DPP6: variants seen among roughly 807,000 people sequenced by gnomAD.
DPP6 encodes A-type potassium channel modulatory protein DPP6.
In DPP6, 69 loss-of-function variants were observed where a neutral mutation model predicts 122.6. The ratio of observed to expected loss-of-function variants is 0.56; its 90% CI spans 0.46 to 0.69. The LOEUF is 0.69. DPP6 is among the 30% of genes least tolerant of loss of function. The pLI is 0.00. For synonymous variants in DPP6, 418 were observed against 433.1 expected, an observed-to-expected ratio of 0.97 and a Z score of 0.43; for missense variants, 928 against 1,116.9, an observed-to-expected ratio of 0.83 and a Z score of 2.41.
intron 1 of DPP6, among the ~76,000 whole-genome samples, chr7:154,077,616 G>C (rs751250928): frequency 6.6e-6 from 1 of 151,864 alleles, no homozygotes. Context: ...CTTCCTAGGA[G>C]GTAGAATGGC....
chr7:154,885,372 G>A, intron 21 of DPP6: 2 of 438,166 alleles, frequency 4.6e-6, no homozygotes, highest in South Asian at 2.5e-5. Flanking sequence ...TTTCCAATTC[G>A]CCGTTGCATT....
chr7:154,572,974 C>G (rs1321486475), intron 5 of DPP6, among the ~76,000 whole-genome samples: 2 of 152,258 alleles, frequency 1.3e-5, no homozygotes, highest in South Asian at 2.1e-4. Context: ...GCCACCACAC[C>G]TGGCCAATTC....
chr7:154,753,148 A>G (rs1164181407), intron 8 of DPP6, among the ~76,000 whole-genome samples: 1 of 152,156 alleles, frequency 6.6e-6, no homozygotes, highest in Non-Finnish European at 1.5e-5. Context: ...TGCCCAGGCT[A>G]CAAAGTTGAC....
chr7:154,371,405 GAAAGA>G (rs1812661115), intron 1 of DPP6, among the ~76,000 whole-genome samples: 1 of 75,164 alleles, frequency 1.3e-5, no homozygotes, highest in Non-Finnish European at 2.4e-5. Context: ...AAAAAAAAAA[GAAAGA>G]AAGAAAGAAA....
At chr7:154,595,984 CCAGGAGGCAGAGGTTA>C (rs533182480) in intron 5 of DPP6, among the ~76,000 whole-genome samples, 119 of 152,290 alleles carry the variant, frequency 7.8e-4, no homozygotes, top group African/African-American at 2.8e-3. Context: ...TCGCTTGAAC[CCAGGAGGCAGAGGTTA>C]CAGTGAGCCA....
At chr7:154,270,009 G>A (rs1320190149) in intron 1 of DPP6, among the ~76,000 whole-genome samples, 3 of 152,136 alleles carry the variant, frequency 2.0e-5, no homozygotes, top group Admixed American at 6.5e-5. Flanking sequence ...AAGGAATGAC[G>A]GACCCAGCAG....
intron 1 of DPP6, among the ~76,000 whole-genome samples, chr7:154,304,738 C>T (rs906810766): frequency 6.6e-6 from 1 of 152,220 alleles, no homozygotes; most frequent in Non-Finnish European, 1.5e-5. Flanking sequence ...GTGTTCCTGC[C>T]AAATCCACTG....
At chr7:153,781,034 T>A in the DPP6 span, among the ~76,000 whole-genome samples, 1 of 152,358 alleles carries the variant, frequency 6.6e-6, no homozygotes, top group African/African-American at 2.4e-5. Flanking sequence ...TATAACTACT[T>A]CTTGAAACAT....
At chr7:154,235,470 A>C (rs1801151529) in intron 1 of DPP6, among the ~76,000 whole-genome samples, 1 of 142,924 alleles carries the variant, frequency 7.0e-6, no homozygotes, top group Non-Finnish European at 1.5e-5. Context: ...TCCAAAAGCT[A>C]GAGAATTCCT....
intron 1 of DPP6, among the ~76,000 whole-genome samples, chr7:154,103,134 T>C (rs1253901221): frequency 6.6e-6 from 1 of 151,958 alleles, no homozygotes; most frequent in Admixed American, 6.6e-5. Context: ...GGGTGGGGAT[T>C]GCAAAGGGGA....
the DPP6 span, among the ~76,000 whole-genome samples, chr7:153,845,527 T>A: frequency 6.6e-6 from 1 of 151,816 alleles, no homozygotes; most frequent in Non-Finnish European, 1.5e-5. Context: ...TAAATCTAGA[T>A]TTTTTTTACA....
At chr7:153,904,907 C>T (rs375288366) in intron 1 of DPP6, among the ~76,000 whole-genome samples, 30 of 152,160 alleles carry the variant, frequency 2.0e-4, no homozygotes, top group East Asian at 7.7e-4. Flanking sequence ...CAGGAGCTTT[C>T]GGAATGAAGA....
chr7:154,208,496 G>A (rs746712673), intron 1 of DPP6, among the ~76,000 whole-genome samples: 9 of 152,204 alleles, frequency 5.9e-5, no homozygotes, highest in Non-Finnish European at 7.3e-5. Context: ...TCACTGCCTA[G>A]TTATATTCCA....
intron 1 of DPP6, among the ~76,000 whole-genome samples, chr7:154,088,243 C>A (rs1357483388): frequency 2.0e-5 from 3 of 151,760 alleles, no homozygotes; most frequent in African/African-American, 4.9e-5. Flanking sequence ...TGCCTAATAT[C>A]CCCACTTCTG....
At chr7:154,679,139 G>GC (rs961167831) in intron 7 of DPP6, among the ~76,000 whole-genome samples, 1 of 152,164 alleles carries the variant, frequency 6.6e-6, no homozygotes, top group African/African-American at 2.4e-5. Context: ...TTCATGACGG[G>GC]CCAGCCCCCT....
intron 1 of DPP6, among the ~76,000 whole-genome samples, chr7:153,910,504 T>A (rs185526445): frequency 6.6e-6 from 1 of 152,274 alleles, no homozygotes; most frequent in East Asian, 1.9e-4. Flanking sequence ...AGCATCATTC[T>A]TCTGCCTTTT....
intron 1 of DPP6, among the ~76,000 whole-genome samples, chr7:153,891,140 G>A (rs1026919225): frequency 6.8e-6 from 1 of 147,992 alleles, no homozygotes; most frequent in African/African-American, 2.5e-5. Context: ...TCCTGCCTCA[G>A]CCTCCCCAGT....
intron 1 of DPP6, among the ~76,000 whole-genome samples, chr7:154,061,630 ACCC>A: frequency 7.7e-6 from 1 of 129,512 alleles, no homozygotes; most frequent in Non-Finnish European, 1.7e-5. Flanking sequence ...GGGGGGAGGC[ACCC>A]GCTGCGAGGC....
At chr7:153,757,902 T>C in the DPP6 span, among the ~76,000 whole-genome samples, 1 of 152,198 alleles carries the variant, frequency 6.6e-6, no homozygotes, top group African/African-American at 2.4e-5. Context: ...GAGGTTGCAG[T>C]GAGCCAAGAT....
Sources: gnomAD v4.1 joint callset for allele counts (sites outside exome capture counted in the v4.1 genomes callset) on GRCh38, gnomAD v4.1.1 for gene constraint, MANE v1.5 for transcripts, NCBI Gene and HGNC (gene_info 2026-07-23, HGNC 2026-07-21) for gene names.